The following MLIP variants were observed in gnomAD, a reference collection of about 807,000 sequenced individuals.
MLIP encodes muscular LMNA interacting protein, also known as muscular LMNA-interacting protein.
In MLIP, 79 loss-of-function variants were observed where a neutral mutation model predicts 84.8. The ratio of observed to expected loss-of-function variants is 0.93; its 90% CI spans 0.78 to 1.12. MLIP has a LOEUF of 1.12. Among genes scored for constraint, MLIP ranks in the 50% most tolerant of loss-of-function variants. The pLI, the probability that MLIP is intolerant of heterozygous loss-of-function variation, is 0.00. For missense variants in MLIP, 1,257 were observed against 1,160.6 expected, an observed-to-expected ratio of 1.08 and a Z score of -1.21; for synonymous variants, 504 against 463.0, an observed-to-expected ratio of 1.09 and a Z score of -1.14.
chr6:54,251,415 A>G (rs764506920), intron 12 of MLIP, among the ~76,000 whole-genome samples: 1 of 132,090 alleles, frequency 7.6e-6, no homozygotes. Context: ...TGGGCTAGGC[A>G]TATCTCCAAA....
intron 1 of MLIP, among the ~76,000 whole-genome samples, chr6:54,104,025 C>T (rs1189267278): frequency 6.6e-6 from 1 of 152,050 alleles, no homozygotes; most frequent in East Asian, 1.9e-4. Flanking sequence ...ATTAAACCCT[C>T]TTATATTTAA....
chr6:54,255,607 T>C (rs919453310), intron 12 of MLIP, among the ~76,000 whole-genome samples: 2 of 152,156 alleles, frequency 1.3e-5, no homozygotes, highest in Admixed American at 1.3e-4. Flanking sequence ...TTCTGTTCTC[T>C]TTCATTGATT....
rs916876788 is a variant in MLIP at position 54,137,315 on chromosome 6, C to A, written c.1246C>A (p.Leu416Ile). 6.5e-7 allele frequency: 1 copy of A among 1,536,056 alleles called. No homozygotes were observed. The highest frequency in any genetic ancestry group is 8.7e-7 in the Non-Finnish European group (1 of 1,146,902). Residue 416 changes from leucine to isoleucine, a missense_variant, in exon 4 of 14, where the codon CTT (leucine) becomes ATT (isoleucine). By Grantham distance (5) the Leu-to-Ile change is conservative. Transcript: ENST00000502396. ...ATCCCCGGTGCCTTCCCGGCTTGCC[C>A]TTCTCACTGCCATTCTCAAGTCAAA... ...VKSPVPSRLA[L>I]LTAILKSNPS...
Position 54,136,702 on chromosome 6 carries a change from C to A in MLIP, c.646-13C>A, listed in dbSNP as rs954136432. 3 of 1,456,668 alleles carry A rather than the reference C, an allele frequency of 2.1e-6. No individual in the cohort carries two copies. The highest frequency in any genetic ancestry group is 1.4e-5 in the South Asian group (1 of 72,264). 90.2% of individuals were successfully genotyped at this position (1,456,668 alleles called of 1,614,324 possible). On this transcript the variant is annotated splice_polypyrimidine_tract_variant and intron_variant, in intron 3 of 13. Transcript: ENST00000502396. ...ATGTCCTATTTCAATCTGTCTATTT[C>A]TCTTTCCTCTAGTTAACTTCTTCTC...
rs189831752 is a variant in MLIP, at chr6:54,095,646, T to C, written c.64-25801T>C. Among the ~76,000 whole-genome samples, 216 of 152,238 alleles carry C rather than the reference T, an allele frequency of 1.4e-3. 1 individual carries two copies. The South Asian group carries it at 0.015, about 10-fold the overall frequency. On this transcript the variant is annotated intron_variant, in intron 1 of 12. Coordinates refer to the MLIP transcript ENST00000274897. ...CTGTCTGCTTTCTAATGACATTTTC[T>C]ATTGACCCCTCAACAAGGGGAAGAG...
intron 3 of MLIP, among the ~76,000 whole-genome samples, chr6:54,134,120 A>G (rs995049095): frequency 7.2e-5 from 11 of 152,170 alleles, no homozygotes; most frequent in African/African-American, 2.7e-4. Context: ...TGTGTTAAAT[A>G]GATGCCAATA....
At chr6:54,215,225 T>A in intron 11 of MLIP, 2 of 1,531,226 alleles carry the variant, frequency 1.3e-6, no homozygotes, top group Non-Finnish European at 1.7e-6. Flanking sequence ...CCTATCCTTG[T>A]GGCTAGTTAC....
chr6:54,104,670 C>T (rs1052913582), intron 1 of MLIP, among the ~76,000 whole-genome samples: 1 of 152,154 alleles, frequency 6.6e-6, no homozygotes, highest in Non-Finnish European at 1.5e-5. Context: ...TCTTCCCAGC[C>T]AAGACCACAA....
chr6:54,262,417 T>A (rs1016111548), intron 13 of MLIP, among the ~76,000 whole-genome samples: 13 of 152,032 alleles, frequency 8.6e-5, no homozygotes, highest in African/African-American at 1.4e-4. Flanking sequence ...AAGTTGGTCC[T>A]CAAGTAAGAA....
At chr6:54,062,601 A>G (rs1320111950) in intron 1 of MLIP, among the ~76,000 whole-genome samples, 1 of 152,188 alleles carries the variant, frequency 6.6e-6, no homozygotes, top group Non-Finnish European at 1.5e-5. Context: ...GAAGTGTGGG[A>G]GAATGAAAGG....
chr6:54,252,089 A>ATATATATTATAACATATAATATATAAC (rs1782623256), intron 12 of MLIP, among the ~76,000 whole-genome samples: 2 of 81,620 alleles, frequency 2.5e-5, no homozygotes, highest in Non-Finnish European at 4.0e-5. Flanking sequence ...TATAATATAA[A>ATATATATTATAACATATAATATATAAC]TATATATTAT....
intron 1 of MLIP, among the ~76,000 whole-genome samples, chr6:54,064,817 T>TTCATCATGAAGATGA (rs1323155348): frequency 1.0e-5 from 1 of 99,136 alleles, no homozygotes; most frequent in African/African-American, 2.6e-5. Context: ...TATATATGAA[T>TTCATCATGAAGATGA]ATATAAGTTA....
chr6:54,095,985 G>A (rs1024478276), intron 1 of MLIP, among the ~76,000 whole-genome samples: 1 of 152,104 alleles, frequency 6.6e-6, no homozygotes, highest in African/African-American at 2.4e-5. Context: ...GCAGCATCTA[G>A]CAGGTAGGCG....
intron 1 of MLIP, among the ~76,000 whole-genome samples, chr6:54,077,768 C>A (rs1325828): frequency 0.77 from 116,613 of 152,174 alleles, 46,701 homozygotes; most frequent in Non-Finnish European, 0.89. Context: ...TGCAAGCAAG[C>A]AAATTCTTTA....
At chr6:54,081,431 G>C (rs559011857) in intron 1 of MLIP, among the ~76,000 whole-genome samples, 2 of 152,208 alleles carry the variant, frequency 1.3e-5, no homozygotes, top group East Asian at 3.9e-4. Flanking sequence ...ATTTGAGACA[G>C]AGTTTCGTTT....
At chr6:54,134,636 A>G (rs1771655857) in intron 3 of MLIP, among the ~76,000 whole-genome samples, 1 of 152,068 alleles carries the variant, frequency 6.6e-6, no homozygotes, top group African/African-American at 2.4e-5. Context: ...TTTGGTCATT[A>G]GAAGCCATAG....
chr6:54,258,301 T>C (rs1783153276), intron 13 of MLIP, among the ~76,000 whole-genome samples: 1 of 152,104 alleles, frequency 6.6e-6, no homozygotes, highest in South Asian at 2.1e-4. Flanking sequence ...TTTTCCACAA[T>C]TTAGGGCATA....
At chr6:54,172,306 C>T (rs1429733973) in intron 9 of MLIP, among the ~76,000 whole-genome samples, 1 of 151,568 alleles carries the variant, frequency 6.6e-6, no homozygotes, top group Non-Finnish European at 1.5e-5. Flanking sequence ...CAAGACTATA[C>T]TAGTCACTAT....
chr6:54,163,235 T>C (rs1774840911), intron 8 of MLIP, among the ~76,000 whole-genome samples: 1 of 151,980 alleles, frequency 6.6e-6, no homozygotes, highest in African/African-American at 2.4e-5. Context: ...CCTAGATGTA[T>C]CTTTTACTGC....
Sources: allele counts gnomAD v4.1 joint callset (sites outside exome capture counted in the v4.1 genomes callset), GRCh38; gene constraint gnomAD v4.1.1; transcripts MANE v1.5; gene names NCBI Gene and HGNC (gene_info 2026-07-23, HGNC 2026-07-21).